Variants in ZNF253 observed in about 807,000 individuals in gnomAD.
ZNF253 encodes the protein zinc finger protein 253.
In ZNF253, 8 loss-of-function variants were observed where a neutral mutation model predicts 11.9. The ratio of observed to expected loss-of-function variants is 0.67; its 90% CI spans 0.40 to 1.22. ZNF253 has a LOEUF of 1.22. Ranked by LOEUF, ZNF253 falls within the 50% of genes most tolerant of loss-of-function variation. The pLI is 0.01. For synonymous variants in ZNF253, 194 were observed against 194.9 expected (o/e 1.00, Z 0.04); for missense variants, 485 against 586.9 (o/e 0.83, Z 1.79).
At position 19,892,655 on chromosome 19, in the gene ZNF253, CAT is replaced by C. The variant is rs1235270713; in HGVS notation, c.1410_1411del (p.His470GlnfsTer6). On this transcript the variant is annotated frameshift_variant, in exon 4 of 4. Transcript: ENST00000589717. LOFTEE classifies it low-confidence loss of function (END_TRUNC). ...TAACTGGTCCTCAGACCTTAATAAA[CAT>C]AAGAAAATTCATATTGAACGAAAAC... is the stretch of plus-strand genomic sequence containing the variant. ...AFNWSSDLNK[H>X]KKIHIERKPY... The C allele has an allele frequency of 6.2e-7, 1 of 1,613,164 alleles. No homozygotes were observed. The highest frequency in any genetic ancestry group is 1.3e-5 in the African/African-American group (1 of 74,830).
chr19:19,889,258 T>C (rs1340426451), intron 3 of ZNF253, among the ~76,000 whole-genome samples: 1 of 152,058 alleles, frequency 6.6e-6, no homozygotes, highest in Non-Finnish European at 1.5e-5. Flanking sequence ...ATATTTTTTC[T>C]TGTTTATCCT....
intron 1 of ZNF253, among the ~76,000 whole-genome samples, chr19:19,872,575 ATATAT>A (rs763363305): frequency 0.035 from 3,998 of 112,966 alleles, 100 homozygotes; most frequent in Non-Finnish European, 0.042. Context: ...ATATATATAT[ATATAT>A]TATTATATAT....
At chr19:19,871,106 C>G (rs140644571) in intron 1 of ZNF253, 1 of 152,302 alleles carries the variant, frequency 6.6e-6, no homozygotes, top group East Asian at 1.9e-4. Context: ...GAGGTGGACT[C>G]TCACAGTGAG....
At chr19:19,877,364 T>G (rs777217727) in intron 1 of ZNF253, among the ~76,000 whole-genome samples, 4 of 151,116 alleles carry the variant, frequency 2.6e-5, no homozygotes, top group Non-Finnish European at 5.9e-5. Context: ...AGTGATGCTG[T>G]GTTCTTCTTC....
chr19:19,871,487 AAGAT>A (rs1216635775), intron 1 of ZNF253, among the ~76,000 whole-genome samples: 1 of 152,164 alleles, frequency 6.6e-6, no homozygotes, highest in Non-Finnish European at 1.5e-5. Flanking sequence ...AATAGCCAAA[AAGAT>A]AGAATGCTAC....
intron 3 of ZNF253, among the ~76,000 whole-genome samples, chr19:19,891,193 T>G (rs1314928732): frequency 6.6e-6 from 1 of 152,162 alleles, no homozygotes; most frequent in Admixed American, 6.5e-5. Flanking sequence ...AAGAGCTGTG[T>G]TGGGTATAAC....
At chr19:19,877,466 C>T (rs943217168) in intron 1 of ZNF253, among the ~76,000 whole-genome samples, 2 of 151,862 alleles carry the variant, frequency 1.3e-5, no homozygotes, top group Non-Finnish European at 2.9e-5. Context: ...ACATCTGCCT[C>T]CCAGGTTCAA....
intron 2 of ZNF253, among the ~76,000 whole-genome samples, chr19:19,879,119 T>C (rs1346911980): frequency 1.3e-5 from 2 of 152,200 alleles, no homozygotes; most frequent in African/African-American, 4.8e-5. Context: ...CCAAATAGTA[T>C]ATTGCTACCA....
rs2063199905 is a variant in ZNF253, at chr19:19,885,318, CTTT to C, written c.226+5173_226+5175del. Among the ~76,000 whole-genome samples the C allele has an allele frequency of 6.4e-5, 4 of 62,600 alleles. No individual in the cohort carries two copies. In the African/African-American group the frequency reaches 7.0e-4, roughly 11 times the overall value. The allele number at this position is 62,600 out of a possible 152,430, so 41.1% of individuals were successfully genotyped here. On this transcript the variant is annotated intron_variant, in intron 3 of 3. Coordinates refer to ENST00000589717, the MANE Select transcript of ZNF253 (RefSeq NM_021047.3). ...CTTTCTTTTCTTTCTTTCTTTCTTT[CTTT>C]CTTTCTTTCTTTCTTTCTTTCTTTC...
At chr19:19,890,286 T>C (rs1482753228) in intron 3 of ZNF253, among the ~76,000 whole-genome samples, 1 of 152,178 alleles carries the variant, frequency 6.6e-6, no homozygotes, top group Non-Finnish European at 1.5e-5. Context: ...GCCATTCCTG[T>C]TTGGATTACT....
chr19:19,887,599 A>G (rs2063211451), intron 3 of ZNF253, among the ~76,000 whole-genome samples: 1 of 152,050 alleles, frequency 6.6e-6, no homozygotes, highest in African/African-American at 2.4e-5. Context: ...TTTATAAAAT[A>G]TGACAGTTTT....
chr19:19,882,384 CTTGGTCACAAGGCTGCTGGGTCTACCT>C (rs2063181592), intron 3 of ZNF253, among the ~76,000 whole-genome samples: 1 of 152,038 alleles, frequency 6.6e-6, no homozygotes, highest in South Asian at 2.1e-4. Flanking sequence ...GGGGTTGTAG[CTTGGTCACAAGGCTGCTGGGTCTACCT>C]TTGGGTCCAC....
chr19:19,877,025 G>T (rs1037423513), intron 1 of ZNF253, among the ~76,000 whole-genome samples: 2 of 152,154 alleles, frequency 1.3e-5, no homozygotes, highest in Non-Finnish European at 2.9e-5. Context: ...GAAAGACGTG[G>T]ATACTCAAGA....
At chr19:19,891,205 A>G (rs950797576) in intron 3 of ZNF253, among the ~76,000 whole-genome samples, 13 of 152,186 alleles carry the variant, frequency 8.5e-5, no homozygotes, top group Non-Finnish European at 1.8e-4. Context: ...GGGTATAACT[A>G]ACAGAGCTTT....
chr19:19,868,651 G>C (rs1008181284), intron 1 of ZNF253, among the ~76,000 whole-genome samples: 2 of 151,774 alleles, frequency 1.3e-5, no homozygotes, highest in South Asian at 2.1e-4. Context: ...ATGTCCAAGA[G>C]TTCAAAAACT....
intron 1 of ZNF253, among the ~76,000 whole-genome samples, chr19:19,873,561 T>C (rs2063143259): frequency 6.6e-6 from 1 of 152,182 alleles, no homozygotes; most frequent in Admixed American, 6.5e-5. Context: ...CCTGTGTTTG[T>C]TCATCCTCTC....
At chr19:19,885,314 C>CTT (rs376538643) in intron 3 of ZNF253, among the ~76,000 whole-genome samples, 5 of 59,594 alleles carry the variant, frequency 8.4e-5, no homozygotes, top group African/African-American at 5.1e-4. Context: ...TTCTTTCTTT[C>CTT]TTTCTTTCTT....
chr19:19,873,327 C>A (rs1488781774), intron 1 of ZNF253, among the ~76,000 whole-genome samples: 11 of 152,124 alleles, frequency 7.2e-5, no homozygotes, highest in Admixed American at 5.2e-4. Flanking sequence ...AACAGGTGAT[C>A]CAGGTTCTGG....
intron 1 of ZNF253, among the ~76,000 whole-genome samples, chr19:19,872,807 T>C (rs1011762146): frequency 6.6e-6 from 1 of 151,428 alleles, no homozygotes; most frequent in African/African-American, 2.4e-5. Context: ...TTGTGTCAGC[T>C]TTTTTTTCTT....
Sources: allele counts gnomAD v4.1 joint callset (sites outside exome capture counted in the v4.1 genomes callset), GRCh38; gene constraint gnomAD v4.1.1; transcripts MANE v1.5; gene names NCBI Gene and HGNC (gene_info 2026-07-23, HGNC 2026-07-21).